Variants in LATS1 observed in about 807,000 individuals in gnomAD.
LATS1 encodes large tumor suppressor kinase 1, also known as serine/threonine-protein kinase LATS1.
A neutral mutation model predicts 106.6 loss-of-function variants in LATS1; 25 were observed. The ratio of observed to expected loss-of-function variants is 0.23; its 90% CI spans 0.17 to 0.33. The LOEUF (loss-of-function observed/expected upper bound fraction) is 0.33, where lower values mean the gene tolerates loss of function less well. Ranked by LOEUF, LATS1 falls within the 10% of genes least tolerant of loss-of-function variation. The pLI is 1.00. For synonymous variants in LATS1, 465 were observed against 455.6 expected (o/e 1.02, Z -0.26); for missense variants, 1,040 against 1,382.6 (o/e 0.75, Z 3.93).
At chr6:149,716,375 C>T (rs1784396495) in intron 1 of LATS1, 1 of 152,096 alleles carries the variant, frequency 6.6e-6, no homozygotes, top group Non-Finnish European at 1.5e-5. Context: ...TAATAATTGT[C>T]AGATCAAAAG....
At chr6:149,676,846 G>A (rs970546721) in intron 5 of LATS1, 109 bp from the exon 6 acceptor site, 24 of 882,898 alleles carry the variant, frequency 2.7e-5, no homozygotes, top group Non-Finnish European at 3.4e-5. Flanking sequence ...TCTCCCTTGT[G>A]ACAAACTAAG....
intron 3 of LATS1, among the ~76,000 whole-genome samples, chr6:149,690,586 G>A (rs1237211487): frequency 6.7e-6 from 1 of 148,738 alleles, no homozygotes; most frequent in Admixed American, 6.7e-5. Flanking sequence ...TCACTCTATT[G>A]CTCAGGCTGG....
chr6:149,677,328 T>G (rs1020335846), intron 5 of LATS1, among the ~76,000 whole-genome samples: 1 of 152,130 alleles, frequency 6.6e-6, no homozygotes, highest in Non-Finnish European at 1.5e-5. Context: ...AAATCAGGAT[T>G]AGGTATTCCA....
At chr6:149,709,701 A>C (rs1253680771) in intron 1 of LATS1, among the ~76,000 whole-genome samples, 1 of 97,764 alleles carries the variant, frequency 1.0e-5, no homozygotes, top group Non-Finnish European at 1.9e-5. Context: ...TTTTAGATGG[A>C]GTCTCACTCT....
At position 149,662,074 on chromosome 6, in the gene LATS1, G is replaced by A. The variant is rs1277630439; in HGVS notation, c.3048C>T (p.Ser1016=). The stretch of plus-strand genomic sequence containing the variant: ...AAGCAGACTGCTGTCTCAGGTCACT[G>A]GAGAAGTCAATTGTTTTAAAAAATG... ...AHPFFKTIDF[S]SDLRQQSASY... The change falls in exon 8 of 8, where the codon TCC becomes TCT. Residue 1016 remains serine (S), a synonymous_variant. Transcript: ENST00000543571. 8 of 1,613,964 alleles carry A rather than the reference G, an allele frequency of 5.0e-6. No individual in the cohort carries two copies. In the Admixed American group the frequency reaches 1.0e-4, roughly 20 times the overall value.
At chr6:149,694,966 T>G (rs1420167790) in intron 3 of LATS1, 108 bp downstream of exon 3, 2 of 927,034 alleles carry the variant, frequency 2.2e-6, no homozygotes, top group Non-Finnish European at 3.2e-6. Flanking sequence ...GACTTTCATT[T>G]ACTGGGATGC....
At chr6:149,717,746 C>T (rs919361984) in intron 1 of LATS1, 103 bp downstream of exon 1, 3 of 264,890 alleles carry the variant, frequency 1.1e-5, no homozygotes, top group Non-Finnish European at 2.2e-5. Context: ...CAGTCCAAAC[C>T]TCTGGACCCT....
At chr6:149,667,799 A>G (rs1286138634) in intron 7 of LATS1, among the ~76,000 whole-genome samples, 1 of 152,246 alleles carries the variant, frequency 6.6e-6, no homozygotes, top group Non-Finnish European at 1.5e-5. Flanking sequence ...AACTAGAGAA[A>G]CATAATGCAT....
At chr6:149,664,052 T>G (rs552145116) in intron 7 of LATS1, among the ~76,000 whole-genome samples, 24 of 151,962 alleles carry the variant, frequency 1.6e-4, no homozygotes, top group Non-Finnish European at 2.6e-4. Flanking sequence ...TCAAGTGATC[T>G]GTCCACCTTG....
In LATS1 at chr6:149,701,909, G is replaced by A. The variant is rs1175780468; in HGVS notation, c.218C>T (p.Thr73Met). ...AATTTCCTGCAAGGCTTTATGATGC[G>A]TCCCAAATTTGGGTGGATTTCTGAC... ...RQVRNPPKFG[T>M]HHKALQEIRN... Residue 73 changes from threonine to methionine, a missense_variant, in exon 2 of 8, where the codon ACG becomes ATG. Thr to Met is a moderately conservative substitution (Grantham distance 81). Transcript: ENST00000543571. The A allele has an allele frequency of 6.8e-6, 11 of 1,613,944 alleles. No homozygotes were observed. The highest frequency in any genetic ancestry group is 1.7e-5 in the Admixed American group (1 of 59,990).
At chr6:149,706,566 T>C (rs1048050943) in intron 1 of LATS1, among the ~76,000 whole-genome samples, 1 of 152,170 alleles carries the variant, frequency 6.6e-6, no homozygotes, top group African/African-American at 2.4e-5. Flanking sequence ...AATGTTATCT[T>C]ATTTGGAAAA....
intron 5 of LATS1, 56 bp from the exon 6 acceptor site, chr6:149,676,793 G>A (rs1781750489): frequency 7.4e-6 from 11 of 1,480,526 alleles, no homozygotes; most frequent in Non-Finnish European, 1.0e-5. Context: ...TAAACCTGAA[G>A]TCTATTTAAT....
intron 3 of LATS1, among the ~76,000 whole-genome samples, chr6:149,689,649 T>C (rs1472566545): frequency 1.3e-5 from 2 of 152,140 alleles, no homozygotes; most frequent in Admixed American, 1.3e-4. Flanking sequence ...CTATTGCCAG[T>C]CCTCAGTCTC....
chr6:149,701,197 C>A (rs1276883353), intron 2 of LATS1, among the ~76,000 whole-genome samples: 1 of 152,118 alleles, frequency 6.6e-6, no homozygotes, highest in Non-Finnish European at 1.5e-5. Flanking sequence ...GAAGAAAATT[C>A]TATTAATAAC....
At chr6:149,687,086 A>G (rs1287428710) in intron 3 of LATS1, among the ~76,000 whole-genome samples, 2 of 140,042 alleles carry the variant, frequency 1.4e-5, no homozygotes, top group Non-Finnish European at 3.1e-5. Context: ...CAAGATCTCC[A>G]AGATTTTTAT....
chr6:149,672,683 C>T (rs1386838396), intron 7 of LATS1, among the ~76,000 whole-genome samples: 1 of 151,886 alleles, frequency 6.6e-6, no homozygotes, highest in African/African-American at 2.4e-5. Flanking sequence ...CAGTGGCTCA[C>T]GCCTGTAATC....
chr6:149,660,233 G>A lies in LATS1; in HGVS notation c.*1496C>T, dbSNP rs149331949. 277 of 232,800 alleles carry A rather than the reference G, an allele frequency of 1.2e-3. 1 individual carries two copies. The highest frequency in any genetic ancestry group is 5.6e-3 in the African/African-American group (255 of 45,418). The allele number at this position is 232,800 out of a possible 1,614,324, so 14.4% of individuals were successfully genotyped here. A position where few individuals can be genotyped will look rare whatever the true frequency, so the allele number is the denominator to read the frequency against. The stretch of plus-strand genomic sequence containing the variant: ...GAACCACTAACCCCAAAAGACGCAC[G>A]ATAACACAGTAGTGGGTTTTCAGGC... On this transcript the variant is annotated 3_prime_UTR_variant, in exon 8 of 8. Coordinates refer to ENST00000543571, the MANE Select transcript of LATS1 (RefSeq NM_004690.4).
chr6:149,701,712 T>C (rs1783470168), intron 2 of LATS1, 67 bp downstream of exon 2: 1 of 1,180,480 alleles, frequency 8.5e-7, no homozygotes, highest in Non-Finnish European at 1.2e-6. Flanking sequence ...TGGCATGTTA[T>C]CACCCAAAAA....
At chr6:149,707,350 TGAG>T (rs1217750873) in intron 1 of LATS1, among the ~76,000 whole-genome samples, 2 of 152,126 alleles carry the variant, frequency 1.3e-5, no homozygotes, top group East Asian at 3.9e-4. Flanking sequence ...TGGGGAATTA[TGAG>T]AAGACAATGG....
Sources: allele counts gnomAD v4.1 joint callset (sites outside exome capture counted in the v4.1 genomes callset), GRCh38; gene constraint gnomAD v4.1.1; transcripts MANE v1.5; gene names NCBI Gene and HGNC (gene_info 2026-07-23, HGNC 2026-07-21).